The following ZMPSTE24 variants were observed in gnomAD, a reference collection of about 807,000 sequenced individuals.
ZMPSTE24 encodes the protein CAAX prenyl protease 1 homolog.
Under a neutral mutation model 56.7 loss-of-function variants are expected in ZMPSTE24, and 48 were observed. The observed-to-expected ratio is 0.85, with a 90% CI of 0.67 to 1.08. ZMPSTE24 has a LOEUF of 1.08. Among genes scored for constraint, ZMPSTE24 ranks in the 50% least tolerant of loss-of-function variants. The probability of loss-of-function intolerance (pLI) is 0.00; values close to 1 mark genes in which losing one functional copy is unlikely to be tolerated. For synonymous variants in ZMPSTE24, 172 were observed against 195.2 expected, an observed-to-expected ratio of 0.88 and a Z score of 0.99; for missense variants, 503 against 548.7, an observed-to-expected ratio of 0.92 and a Z score of 0.83.
Position 40,292,444 on chromosome 1 carries a change from G to A in ZMPSTE24, c.1204-1G>A, listed in dbSNP as rs61751009. ...TAAAACCCTTTCATTTTCTTTTTCA[G>A]GTTCTTTCTTTTTGCCTAACAGTCC... is the stretch of plus-strand genomic sequence containing the variant. On this transcript the variant is annotated splice_acceptor_variant, in intron 9 of 9. Transcript: ENST00000372759. LOFTEE classifies it high-confidence loss of function. The A allele has an allele frequency of 1.9e-5, 31 of 1,613,312 alleles. No individual in the cohort carries two copies. Among genetic ancestry groups the A allele is most frequent in the Non-Finnish European group, 2.5e-5 (30 of 1,179,934 alleles).
At chr1:40,290,728 C>T (rs913174791) in intron 8 of ZMPSTE24, 126 bp from the exon 9 acceptor site, 32 of 1,114,834 alleles carry the variant, frequency 2.9e-5, no homozygotes, top group Non-Finnish European at 4.0e-5. Context: ...TCCCAAAGTG[C>T]TGGGATTACA....
Position 40,285,375 on chromosome 1 carries a change from G to C in ZMPSTE24, c.955-550G>C, listed in dbSNP as rs543610244. Among the ~76,000 whole-genome samples the C allele has an allele frequency of 2.5e-3, 381 of 152,228 alleles. 1 individual carries two copies. Among genetic ancestry groups the C allele is most frequent in the African/African-American group, 8.5e-3 (353 of 41,536 alleles). ...CCACCTTGACCTCTCAAAGTGCTGG[G>C]ATTGCAGGCATGAGCCACCATGCCC... On this transcript the variant is annotated intron_variant, in intron 7 of 9. Transcript: ENST00000372759.
intron 6 of ZMPSTE24, among the ~76,000 whole-genome samples, chr1:40,280,180 G>T (rs1643713344): frequency 6.6e-6 from 1 of 152,070 alleles, no homozygotes; most frequent in Admixed American, 6.6e-5. Flanking sequence ...GCAACTTCTT[G>T]TGTAGTTGTA....
In ZMPSTE24 at chr1:40,267,782, A is replaced by T; in HGVS notation, c.271-4A>T. 6.2e-7 allele frequency: 1 copy of T among 1,605,358 alleles called. No individual in the cohort carries two copies. The highest frequency in any genetic ancestry group is 8.5e-7 in the Non-Finnish European group (1 of 1,172,162). ...CTGTGATCAAAGTATGCTTTGTTTT[A>T]TAGCTTATTCTTCTCTTTGGAGGAA... On this transcript the variant is annotated splice_region_variant and splice_polypyrimidine_tract_variant and intron_variant, in intron 2 of 9. Transcript: ENST00000372759.
rs775139554 is a variant in ZMPSTE24, at chr1:40,281,480, C to G, written c.907C>G (p.Arg303Gly). Residue 303 changes from arginine (R) to glycine (G), a missense_variant, in exon 7 of 10, where the codon CGC (arginine) becomes GGC (glycine). Arg to Gly is a moderately radical substitution (Grantham distance 125, BLOSUM62 -2). Transcript: ENST00000372759. ...DIQEDSGMEP[R>G]NEEEGNSEEI... is the part of the protein sequence containing the mutation. ...CCAGGAGGATTCTGGCATGGAACCC[C>G]GCAATGAGGAAGAAGGGAACAGTGA... 2 of 1,613,934 alleles carry G rather than the reference C, an allele frequency of 1.2e-6. No homozygotes were observed. Among genetic ancestry groups the G allele is most frequent in the African/African-American group, 2.7e-5 (2 of 74,912 alleles).
At chr1:40,271,724 A>G (rs1240722299) in intron 5 of ZMPSTE24, among the ~76,000 whole-genome samples, 170 bp from the exon 6 acceptor site, 1 of 152,234 alleles carries the variant, frequency 6.6e-6, no homozygotes, top group East Asian at 1.9e-4. Context: ...GACAGATATT[A>G]TGCTCTTACT....
rs563498015 is a variant in ZMPSTE24 at position 40,270,695 on chromosome 1, C to T, written c.627+568C>T. 2.0e-4 allele frequency among the ~76,000 whole-genome samples: 30 copies of T among 152,178 alleles called. 1 individual carries two copies. The highest frequency in any genetic ancestry group is 6.2e-4 in the South Asian group (3 of 4,820). ...TCTCCCCAACTGCCACCTATTCCTG[C>T]CTCTCTTCTCCTTTCCTTTTCCCTC... On this transcript the variant is annotated intron_variant, in intron 5 of 9. Transcript: ENST00000372759.
chr1:40,269,900 T>A, intron 4 of ZMPSTE24, 75 bp from the exon 5 acceptor site: 1 of 1,529,100 alleles, frequency 6.5e-7, no homozygotes, highest in Non-Finnish European at 8.8e-7. Context: ...ATGTATCCTT[T>A]GTATTTATTT....
At chr1:40,279,684 C>T (rs1290454149) in intron 6 of ZMPSTE24, among the ~76,000 whole-genome samples, 3 of 152,142 alleles carry the variant, frequency 2.0e-5, no homozygotes, top group African/African-American at 4.8e-5. Flanking sequence ...ATTGATTTTG[C>T]GATGTTCGGT....
chr1:40,282,877 C>T (rs940153031), intron 7 of ZMPSTE24, among the ~76,000 whole-genome samples: 6 of 152,132 alleles, frequency 3.9e-5, no homozygotes, highest in Non-Finnish European at 5.9e-5. Flanking sequence ...CTAAAGGTAG[C>T]GGTGGGGCCG....
chr1:40,281,402 A>G lies in ZMPSTE24; in HGVS notation c.829A>G (p.Ile277Val), dbSNP rs200695349. ...YFYGFFKNKRIVLFDTLLEEY... is the reference protein window; with the variant it reads ...YFYGFFKNKRVVLFDTLLEEY... ...TTATGGCTTCTTCAAGAACAAGCGA[A>G]TAGTTTTGTTTGACACTCTACTAGA... The change falls in exon 7 of 10, where the codon ATA (isoleucine) becomes GTA (valine). Residue 277 changes from isoleucine (I) to valine (V), a missense_variant. Ile to Val is a conservative substitution (Grantham distance 29). Transcript: ENST00000372759. 2.5e-6 allele frequency: 4 copies of G among 1,614,066 alleles called. No homozygotes were observed. Among genetic ancestry groups the G allele is most frequent in the Non-Finnish European group, 2.5e-6 (3 of 1,180,022 alleles).
chr1:40,278,954 G>T (rs1643700238), intron 6 of ZMPSTE24, among the ~76,000 whole-genome samples: 1 of 152,130 alleles, frequency 6.6e-6, no homozygotes. Flanking sequence ...TTAGAGACCA[G>T]CCTGGGCAAC....
chr1:40,284,537 C>T (rs1569657039), intron 7 of ZMPSTE24, among the ~76,000 whole-genome samples: 1 of 151,882 alleles, frequency 6.6e-6, no homozygotes, highest in South Asian at 2.1e-4. Context: ...GGATCACCTG[C>T]AGTCAGGAGT....
intron 6 of ZMPSTE24, among the ~76,000 whole-genome samples, chr1:40,278,873 C>T (rs1033225029): frequency 6.6e-6 from 1 of 152,158 alleles, no homozygotes; most frequent in Admixed American, 6.6e-5. Context: ...TATGGGCCAG[C>T]TGTGGTGATT....
chr1:40,259,379 A>C (rs1643472655), intron 1 of ZMPSTE24: 1 of 151,786 alleles, frequency 6.6e-6, no homozygotes, highest in Admixed American at 6.6e-5. Context: ...GCTGGAGTAC[A>C]GTGGCGTTAT....
At chr1:40,282,709 A>AT (rs1035545692) in intron 7 of ZMPSTE24, among the ~76,000 whole-genome samples, 3 of 152,060 alleles carry the variant, frequency 2.0e-5, no homozygotes, top group Non-Finnish European at 4.4e-5. Context: ...GCCCCACGCT[A>AT]TTTTTTTGAG....
chr1:40,263,007 G>A (rs1643514291), intron 2 of ZMPSTE24: 1 of 991,716 alleles, frequency 1.0e-6, no homozygotes, highest in Admixed American at 6.1e-5. Flanking sequence ...TCTTTCTGAT[G>A]TTTGCTTCTT....
intron 6 of ZMPSTE24, among the ~76,000 whole-genome samples, chr1:40,274,309 A>T (rs1643647823): frequency 6.6e-6 from 1 of 152,256 alleles, no homozygotes; most frequent in Non-Finnish European, 1.5e-5. Flanking sequence ...GAATGAATGA[A>T]TGTTGTTGCT....
chr1:40,258,939 C>T (rs1405978546), intron 1 of ZMPSTE24, among the ~76,000 whole-genome samples: 1 of 152,096 alleles, frequency 6.6e-6, no homozygotes, highest in Non-Finnish European at 1.5e-5. Flanking sequence ...GGGCGGATCA[C>T]CTGGGGTCAG....
Sources: gnomAD v4.1 joint callset for allele counts (sites outside exome capture counted in the v4.1 genomes callset) on GRCh38, gnomAD v4.1.1 for gene constraint, MANE v1.5 for transcripts, NCBI Gene and HGNC (gene_info 2026-07-23, HGNC 2026-07-21) for gene names.